EEA1: variants seen among roughly 807,000 people sequenced by gnomAD.
EEA1 encodes the protein early endosome antigen 1, 162kD.
In EEA1, 111 loss-of-function variants were observed where a neutral mutation model predicts 209.2. The ratio of observed to expected loss-of-function variants is 0.53; its 90% CI spans 0.45 to 0.62. The LOEUF is 0.62. EEA1 is among the 20% of genes least tolerant of loss of function. The probability of loss-of-function intolerance (pLI) is 0.00; values close to 1 mark genes in which losing one functional copy is unlikely to be tolerated. For synonymous variants in EEA1, 536 were observed against 540.6 expected, an observed-to-expected ratio of 0.99 and a Z score of 0.12; for missense variants, 1,343 against 1,530.8, an observed-to-expected ratio of 0.88 and a Z score of 2.05.
chr12:92,885,245 A>T (rs971491297), intron 2 of EEA1, among the ~76,000 whole-genome samples: 1 of 152,048 alleles, frequency 6.6e-6, no homozygotes, highest in African/African-American at 2.4e-5. Flanking sequence ...ACACGCTATA[A>T]AATATAAAAT....
At chr12:92,893,526 G>A (rs1207597337) in intron 1 of EEA1, among the ~76,000 whole-genome samples, 1 of 151,902 alleles carries the variant, frequency 6.6e-6, no homozygotes, top group Non-Finnish European at 1.5e-5. Flanking sequence ...ACTACTAAAT[G>A]TTCAACCTAA....
At position 92,773,966 on chromosome 12, in the gene EEA1, C is replaced by G. The variant is rs1272734071; in HGVS notation, c.*2045G>C. ...GAGTATTTTGGGGGTAAAGGGGAGA[C>G]AGACAGAAGGCCTGGAGTGGTGTTC... On this transcript the variant is annotated 3_prime_UTR_variant, in exon 29 of 29. Coordinates refer to ENST00000322349, the MANE Select transcript of EEA1 (RefSeq NM_003566.4). The G allele has an allele frequency of 6.9e-6, 1 of 145,126 alleles. No homozygotes were observed. Among genetic ancestry groups the G allele is most frequent in the Non-Finnish European group, 1.5e-5 (1 of 66,486 alleles). The allele number at this position is 145,126 out of a possible 1,614,324, so 9.0% of individuals were successfully genotyped here.
At chr12:92,853,066 T>A in intron 6 of EEA1, 41 bp from the exon 7 acceptor site, 1 of 1,242,438 alleles carries the variant, frequency 8.0e-7, no homozygotes, top group Non-Finnish European at 1.2e-6. Flanking sequence ...CCATGTTAAT[T>A]ACATATGCTA....
chr12:92,809,347 A>C (rs1467688962), intron 17 of EEA1, among the ~76,000 whole-genome samples, 191 bp from the exon 18 acceptor site: 15 of 151,934 alleles, frequency 9.9e-5, no homozygotes, highest in Admixed American at 9.8e-4. Context: ...AAGACCCAGC[A>C]GAAAGCTTTA....
intron 2 of EEA1, chr12:92,883,930 C>T (rs747193061): frequency 6.5e-7 from 1 of 1,539,802 alleles, no homozygotes; most frequent in Non-Finnish European, 8.9e-7. Flanking sequence ...AAACACAGAG[C>T]ACTCCAGGGG....
chr12:92,928,993 T>A, intron 1 of EEA1, 50 bp downstream of exon 1: 1 of 1,557,808 alleles, frequency 6.4e-7, no homozygotes, highest in African/African-American at 1.4e-5. Context: ...GGCCCCGAGC[T>A]CCGGCTGTCC....
At chr12:92,836,230 T>C (rs1262124516) in intron 10 of EEA1, among the ~76,000 whole-genome samples, 1 of 152,216 alleles carries the variant, frequency 6.6e-6, no homozygotes, top group Non-Finnish European at 1.5e-5. Flanking sequence ...ATTCAATAAA[T>C]CAATTTGTAC....
In EEA1 at chr12:92,852,005, AT is replaced by A. The variant is rs571509099; in HGVS notation, c.642+169del. ...TTACGTATCATAACATTCCATTTTT[AT>A]TTTAAAAATCATATACAGAATATAT... On this transcript the variant is annotated intron_variant, in intron 8 of 28. Coordinates refer to ENST00000322349, the MANE Select transcript of EEA1 (RefSeq NM_003566.4). Among the ~76,000 whole-genome samples the A allele has an allele frequency of 9.8e-4, 149 of 152,248 alleles. 1 individual carries two copies. Among genetic ancestry groups the A allele is most frequent in the African/African-American group, 3.3e-3 (136 of 41,588 alleles).
At chr12:92,869,410 T>G (rs965838147) in intron 2 of EEA1, among the ~76,000 whole-genome samples, 3 of 152,006 alleles carry the variant, frequency 2.0e-5, no homozygotes, top group Admixed American at 6.6e-5. Flanking sequence ...TAACTGGAAC[T>G]TAAGGTACTC....
chr12:92,789,396 C>G (rs1874293677), intron 21 of EEA1, among the ~76,000 whole-genome samples: 1 of 152,090 alleles, frequency 6.6e-6, no homozygotes, highest in Non-Finnish European at 1.5e-5. Context: ...AACTGACTCC[C>G]AAACTTATGT....
intron 1 of EEA1, among the ~76,000 whole-genome samples, chr12:92,904,259 C>G (rs1216361289): frequency 6.6e-6 from 1 of 152,094 alleles, no homozygotes; most frequent in African/African-American, 2.4e-5. Flanking sequence ...CCATGCCTGG[C>G]CAAAAGTTTT....
intron 1 of EEA1, among the ~76,000 whole-genome samples, chr12:92,924,960 A>AT (rs1315910820): frequency 2.0e-5 from 3 of 151,856 alleles, no homozygotes; most frequent in African/African-American, 7.3e-5. Flanking sequence ...ATGGGCAACT[A>AT]ATCTGGGAAG....
At chr12:92,803,607 T>A (rs542097223) in intron 18 of EEA1, among the ~76,000 whole-genome samples, 1 of 146,728 alleles carries the variant, frequency 6.8e-6, no homozygotes, top group South Asian at 2.1e-4. Context: ...TTAAAAGATG[T>A]ACTAATAAAG....
intron 21 of EEA1, among the ~76,000 whole-genome samples, chr12:92,790,734 C>G (rs186936296): frequency 6.6e-6 from 1 of 152,290 alleles, no homozygotes; most frequent in Non-Finnish European, 1.5e-5. Context: ...CCGAACCTAG[C>G]AAGGCAGGCC....
intron 11 of EEA1, 22 bp from the exon 12 acceptor site, chr12:92,828,083 T>C: frequency 6.5e-7 from 1 of 1,537,974 alleles, no homozygotes; most frequent in Non-Finnish European, 8.7e-7. Context: ...GAAAAAAAAA[T>C]GTATGTACAT....
At chr12:92,815,792 A>T (rs1430199765) in intron 15 of EEA1, among the ~76,000 whole-genome samples, 1 of 152,182 alleles carries the variant, frequency 6.6e-6, no homozygotes, top group Non-Finnish European at 1.5e-5. Context: ...ATAGAAATCT[A>T]ATGGTATAAT....
intron 1 of EEA1, among the ~76,000 whole-genome samples, chr12:92,911,993 C>T (rs1002704230): frequency 4.6e-5 from 7 of 152,100 alleles, no homozygotes; most frequent in Non-Finnish European, 7.4e-5. Context: ...TTTGGGATAA[C>T]CAAATAGCCC....
At chr12:92,777,203 C>T (rs978206334) in intron 27 of EEA1, among the ~76,000 whole-genome samples, 2 of 151,860 alleles carry the variant, frequency 1.3e-5, no homozygotes, top group African/African-American at 2.4e-5. Flanking sequence ...CCATTCTAAA[C>T]ATAATGATGA....
intron 1 of EEA1, among the ~76,000 whole-genome samples, chr12:92,913,953 T>C (rs772252223): frequency 1.5e-4 from 23 of 152,150 alleles, no homozygotes; most frequent in Non-Finnish European, 2.6e-4. Flanking sequence ...TTGGCCTAGT[T>C]TGAGGTCTTA....
Sources: gnomAD v4.1 joint callset for allele counts (sites outside exome capture counted in the v4.1 genomes callset) on GRCh38, gnomAD v4.1.1 for gene constraint, MANE v1.5 for transcripts, NCBI Gene and HGNC (gene_info 2026-07-23, HGNC 2026-07-21) for gene names.